Variants in FBP2 observed in about 807,000 individuals in gnomAD.
FBP2 encodes fructose-1,6-bisphosphatase isozyme 2.
In FBP2, 27 loss-of-function variants were observed where a neutral mutation model predicts 31.6. That is an observed-to-expected ratio of 0.85 (90% CI 0.63 to 1.18). The LOEUF (loss-of-function observed/expected upper bound fraction) is 1.18, where lower values mean the gene tolerates loss of function less well. FBP2 is among the 50% of genes most tolerant of loss of function. FBP2 has a pLI of 0.00. For synonymous variants in FBP2, 168 were observed against 179.8 expected (o/e 0.93, Z 0.53); for missense variants, 421 against 436.1 (o/e 0.97, Z 0.31).
At chr9:94,593,090 T>C (rs1377568400) in intron 1 of FBP2, among the ~76,000 whole-genome samples, 2 of 152,320 alleles carry the variant, frequency 1.3e-5, no homozygotes, top group Non-Finnish European at 1.5e-5. Flanking sequence ...AGAGAGCAGA[T>C]GCAGGAAGGG....
chr9:94,580,334 G>A (rs111736760), intron 3 of FBP2, among the ~76,000 whole-genome samples: 1,550 of 152,286 alleles, frequency 0.01, 33 homozygotes, highest in African/African-American at 0.036. Flanking sequence ...AGGTTCAAGT[G>A]ATTCTCATGC....
intron 1 of FBP2, among the ~76,000 whole-genome samples, chr9:94,591,186 G>C (rs1827496596): frequency 6.6e-6 from 1 of 152,272 alleles, no homozygotes; most frequent in African/African-American, 2.4e-5. Flanking sequence ...GAGCGCTGTG[G>C]AGCGGGGGGT....
rs373649987 is a variant in FBP2 at position 94,570,053 on chromosome 9, A to G, written c.567+1409T>C. 4.6e-5 allele frequency: 7 copies of G among 152,318 alleles called. No homozygotes were observed. The East Asian group carries it at 9.6e-4, about 21-fold the overall frequency. 9.4% of individuals were successfully genotyped at this position (152,318 alleles called of 1,614,324 possible). A position where few individuals can be genotyped will look rare whatever the true frequency, so the allele number is the denominator to read the frequency against. The stretch of plus-strand genomic sequence containing the variant: ...ATCCAAAGGGGTTTCAGGCTAATAC[A>G]TAGAGATCCGGAAAGATGCTATGGT... On this transcript the variant is annotated intron_variant, in intron 4 of 6. Transcript: ENST00000375337.
intron 1 of FBP2, among the ~76,000 whole-genome samples, chr9:94,590,099 C>T (rs112732127): frequency 0.062 from 9,440 of 152,026 alleles, 987 homozygotes; most frequent in African/African-American, 0.22. Context: ...TCTCTCCAGG[C>T]ACTGGGCAGC....
chr9:94,567,439 G>T, intron 4 of FBP2, 32 bp from the exon 5 acceptor site: 1 of 1,580,100 alleles, frequency 6.3e-7, no homozygotes, highest in Admixed American at 1.7e-5. Context: ...CCAGGAAGAA[G>T]AGAGAAGCCA....
intron 5 of FBP2, among the ~76,000 whole-genome samples, chr9:94,564,986 T>A (rs1827164641): frequency 6.6e-6 from 1 of 152,196 alleles, no homozygotes. Context: ...ATGATGGATT[T>A]CCTAATTATA....
intron 4 of FBP2, chr9:94,570,680 TC>T (rs1827259167): frequency 6.6e-6 from 1 of 152,142 alleles, no homozygotes. Context: ...CAGCAATGGG[TC>T]TTGGTCTAAT....
intron 3 of FBP2, among the ~76,000 whole-genome samples, chr9:94,572,441 G>T (rs1287895769): frequency 6.6e-6 from 1 of 152,154 alleles, no homozygotes; most frequent in Non-Finnish European, 1.5e-5. Context: ...CAGCATTGTT[G>T]TGATGTACGT....
chr9:94,570,822 G>T (rs1827261497), intron 4 of FBP2: 1 of 152,176 alleles, frequency 6.6e-6, no homozygotes, highest in Non-Finnish European at 1.5e-5. Flanking sequence ...GCACTAACAC[G>T]TGAACTCCAC....
At chr9:94,561,982 A>G (rs911715383) in intron 6 of FBP2, among the ~76,000 whole-genome samples, 4 of 152,092 alleles carry the variant, frequency 2.6e-5, no homozygotes, top group Non-Finnish European at 5.9e-5. Context: ...GTTCTCCCCA[A>G]TGTAACTGAG....
chr9:94,582,784 G>A (rs183685305), intron 3 of FBP2, among the ~76,000 whole-genome samples: 12 of 150,804 alleles, frequency 8.0e-5, no homozygotes, highest in East Asian at 7.8e-4. Context: ...TCCTGACCTC[G>A]TGATTCGCCC....
At chr9:94,563,197 G>C in intron 6 of FBP2, 145 bp downstream of exon 6, 1 of 878,958 alleles carries the variant, frequency 1.1e-6, no homozygotes, top group Non-Finnish European at 1.7e-6. Context: ...CTCACTCAAG[G>C]GAAACAGAGT....
intron 2 of FBP2, among the ~76,000 whole-genome samples, chr9:94,587,081 C>T (rs1827435188): frequency 6.6e-6 from 1 of 152,216 alleles, no homozygotes; most frequent in Non-Finnish European, 1.5e-5. Context: ...GCGGTTCCTG[C>T]ATCACTCTGA....
At chr9:94,590,647 A>C (rs1308858344) in intron 1 of FBP2, among the ~76,000 whole-genome samples, 1 of 152,208 alleles carries the variant, frequency 6.6e-6, no homozygotes, top group Non-Finnish European at 1.5e-5. Flanking sequence ...GTTACAGATC[A>C]TAAAAGCAGC....
chr9:94,571,510 C>G lies in FBP2; in HGVS notation c.519G>C (p.Leu173=), dbSNP rs1564183412. The G allele has an allele frequency of 1.2e-6, 2 of 1,613,976 alleles. No individual in the cohort carries two copies. The highest frequency in any genetic ancestry group is 2.2e-5 in the East Asian group (1 of 44,872). Residue 173 remains leucine, a synonymous_variant, in exon 4 of 7, where the codon CTG becomes CTC. Transcript: ENST00000375337. ...CGCCTTGCCCTGTGGAGAGAGCCAC[C>G]AGGGTTGCACTACCGTACAGCGCAT... is the stretch of plus-strand genomic sequence containing the variant. The part of the protein sequence containing the change: ...AGYALYGSAT[L]VALSTGQGVD...
intron 6 of FBP2, among the ~76,000 whole-genome samples, chr9:94,562,824 T>C (rs1564179486): frequency 6.6e-6 from 1 of 152,324 alleles, no homozygotes. Context: ...TCCAGATATA[T>C]TGGCTGAGTT....
intron 3 of FBP2, among the ~76,000 whole-genome samples, chr9:94,582,667 C>A (rs1036142232): frequency 2.0e-5 from 3 of 151,852 alleles, no homozygotes; most frequent in African/African-American, 7.3e-5. Flanking sequence ...CCTGCCTCAG[C>A]CTCCCAAGTA....
chr9:94,582,709 G>A (rs1340718331), intron 3 of FBP2, among the ~76,000 whole-genome samples: 5 of 150,770 alleles, frequency 3.3e-5, no homozygotes, highest in East Asian at 3.9e-4. Flanking sequence ...CACCACGCCC[G>A]GCTAATTTTT....
intron 1 of FBP2, among the ~76,000 whole-genome samples, chr9:94,593,174 A>G (rs943463355): frequency 6.6e-6 from 1 of 152,110 alleles, no homozygotes; most frequent in African/African-American, 2.4e-5. Flanking sequence ...ACAATAAAAC[A>G]CTCATGTCTG....
Sources: gnomAD v4.1 joint callset for allele counts (sites outside exome capture counted in the v4.1 genomes callset) on GRCh38, gnomAD v4.1.1 for gene constraint, MANE v1.5 for transcripts, NCBI Gene and HGNC (gene_info 2026-07-23, HGNC 2026-07-21) for gene names.